The following DPP6 variants were observed in gnomAD, a reference collection of about 807,000 sequenced individuals.
DPP6 encodes dipeptidyl peptidase like 6, also known as A-type potassium channel modulatory protein DPP6.
Under a neutral mutation model 122.6 loss-of-function variants are expected in DPP6, and 69 were observed. The observed-to-expected ratio is 0.56, with a 90% CI of 0.46 to 0.69. DPP6 has a LOEUF of 0.69. Among genes scored for constraint, DPP6 ranks in the 30% least tolerant of loss-of-function variants. The pLI is 0.00. For missense variants in DPP6, 928 were observed against 1,116.9 expected (o/e 0.83, Z 2.41); for synonymous variants, 418 against 433.1 (o/e 0.97, Z 0.43).
At chr7:154,463,439 C>T (rs1821500498) in intron 2 of DPP6, among the ~76,000 whole-genome samples, 1 of 151,926 alleles carries the variant, frequency 6.6e-6, no homozygotes, top group African/African-American at 2.4e-5. Flanking sequence ...GATCTCCTGA[C>T]CTCGTGATCC....
chr7:154,099,073 TG>T (rs1463911112), intron 1 of DPP6, among the ~76,000 whole-genome samples: 1 of 152,202 alleles, frequency 6.6e-6, no homozygotes, highest in Non-Finnish European at 1.5e-5. Flanking sequence ...GCACATATTT[TG>T]CAGAGAGTAA....
At chr7:154,195,022 A>G (rs1187305938) in intron 1 of DPP6, among the ~76,000 whole-genome samples, 1 of 152,126 alleles carries the variant, frequency 6.6e-6, no homozygotes, top group Admixed American at 6.5e-5. Context: ...TGGTTCTCTT[A>G]TAGATTATGC....
At chr7:154,781,023 C>T (rs560781473) in intron 10 of DPP6, among the ~76,000 whole-genome samples, 2 of 150,472 alleles carry the variant, frequency 1.3e-5, no homozygotes, top group Admixed American at 6.6e-5. Context: ...GGTGGATGGA[C>T]GGATAGATGG....
intron 1 of DPP6, among the ~76,000 whole-genome samples, chr7:154,191,766 C>T (rs1456228560): frequency 6.6e-6 from 1 of 152,182 alleles, no homozygotes; most frequent in Non-Finnish European, 1.5e-5. Flanking sequence ...CTGAAAGCAT[C>T]AGGGAATCAG....
At chr7:154,854,888 G>A (rs1375036489) in intron 17 of DPP6, among the ~76,000 whole-genome samples, 1 of 152,150 alleles carries the variant, frequency 6.6e-6, no homozygotes. Flanking sequence ...AGCAGCCTGT[G>A]TCCTCCTTCC....
chr7:154,034,241 G>T (rs1799404025), intron 1 of DPP6, among the ~76,000 whole-genome samples: 1 of 152,162 alleles, frequency 6.6e-6, no homozygotes, highest in Non-Finnish European at 1.5e-5. Context: ...TAGCAAGAAA[G>T]ATACTACTGC....
the DPP6 span, among the ~76,000 whole-genome samples, chr7:153,771,762 A>C: frequency 6.6e-6 from 1 of 152,202 alleles, no homozygotes; most frequent in Non-Finnish European, 1.5e-5. Flanking sequence ...AAAGTGAGAA[A>C]ATGTATTGCC....
intron 1 of DPP6, among the ~76,000 whole-genome samples, chr7:154,361,287 A>AC (rs1811701901): frequency 6.6e-6 from 1 of 152,186 alleles, no homozygotes; most frequent in Non-Finnish European, 1.5e-5. Context: ...CACACTGCCC[A>AC]CCATCTGCTC....
intron 7 of DPP6, among the ~76,000 whole-genome samples, chr7:154,706,496 G>C (rs1396186471): frequency 6.6e-6 from 1 of 152,146 alleles, no homozygotes; most frequent in Non-Finnish European, 1.5e-5. Flanking sequence ...CTCCTAGTCA[G>C]CCCCTGGAGG....
At chr7:153,884,395 T>C (rs1798837995), upstream of DPP6, among the ~76,000 whole-genome samples, 7 of 152,368 alleles carry the variant, frequency 4.6e-5, no homozygotes, top group South Asian at 1.4e-3. Flanking sequence ...CACATTTTCT[T>C]AATCCAGTCT....
intron 1 of DPP6, among the ~76,000 whole-genome samples, chr7:154,006,826 A>G (rs1797932620): frequency 6.6e-6 from 1 of 152,226 alleles, no homozygotes; most frequent in Non-Finnish European, 1.5e-5. Context: ...CACCCCACAT[A>G]TAGGTGAGGA....
At chr7:154,276,123 T>A (rs905888915) in intron 1 of DPP6, among the ~76,000 whole-genome samples, 1 of 152,234 alleles carries the variant, frequency 6.6e-6, no homozygotes, top group Non-Finnish European at 1.5e-5. Flanking sequence ...AACAATACAA[T>A]GCTTCTTTAC....
chr7:154,205,862 C>A (rs915268165), intron 1 of DPP6, among the ~76,000 whole-genome samples: 15 of 152,172 alleles, frequency 9.9e-5, no homozygotes, highest in South Asian at 2.1e-4. Flanking sequence ...GCCATCCCAG[C>A]CTTTGTGGGC....
chr7:153,789,095 C>A, the DPP6 span, among the ~76,000 whole-genome samples: 33 of 152,232 alleles, frequency 2.2e-4, no homozygotes, highest in African/African-American at 7.9e-4. Flanking sequence ...AGTGGAGCAG[C>A]CTTTCAGAAA....
At chr7:154,871,984 C>T (rs1804437444) in intron 18 of DPP6, among the ~76,000 whole-genome samples, 1 of 152,164 alleles carries the variant, frequency 6.6e-6, no homozygotes, top group African/African-American at 2.4e-5. Context: ...CTGCTGAGGA[C>T]CAGATCCAGT....
the DPP6 span, among the ~76,000 whole-genome samples, chr7:153,805,633 A>G: frequency 1.3e-5 from 2 of 152,190 alleles, no homozygotes; most frequent in Non-Finnish European, 2.9e-5. Context: ...ACTGGATTAC[A>G]AAAATGTGGC....
chr7:154,238,665 C>T (rs925076811), intron 1 of DPP6, among the ~76,000 whole-genome samples: 1 of 152,212 alleles, frequency 6.6e-6, no homozygotes, highest in Non-Finnish European at 1.5e-5. Flanking sequence ...AATCATTATA[C>T]TCTGTCTTTA....
intron 5 of DPP6, among the ~76,000 whole-genome samples, chr7:154,635,067 G>A (rs2130914233): frequency 6.6e-6 from 1 of 152,236 alleles, no homozygotes; most frequent in East Asian, 1.9e-4. Flanking sequence ...TACAAGCTTG[G>A]TTCAGGCAAT....
intron 16 of DPP6, among the ~76,000 whole-genome samples, chr7:154,844,680 G>A (rs929730283): frequency 1.1e-4 from 17 of 152,134 alleles, no homozygotes; most frequent in Non-Finnish European, 1.9e-4. Flanking sequence ...ATGCGAAGGC[G>A]GCCTGCAGAG....
Sources: allele counts gnomAD v4.1 joint callset (sites outside exome capture counted in the v4.1 genomes callset), GRCh38; gene constraint gnomAD v4.1.1; transcripts MANE v1.5; gene names NCBI Gene and HGNC (gene_info 2026-07-23, HGNC 2026-07-21).